ARID5A: variants seen among roughly 807,000 people sequenced by gnomAD.
ARID5A encodes the protein AT-rich interactive domain-containing protein 5A.
In ARID5A, 14 loss-of-function variants were observed where a neutral mutation model predicts 30.5. The observed-to-expected ratio is 0.46, with a 90% confidence interval of 0.30 to 0.72. The LOEUF is 0.72. ARID5A is among the 30% of genes least tolerant of loss of function. The probability of loss-of-function intolerance (pLI) is 0.07; values close to 1 mark genes in which losing one functional copy is unlikely to be tolerated. For missense variants in ARID5A, 669 were observed against 786.2 expected, an observed-to-expected ratio of 0.85 and a Z score of 1.78; for synonymous variants, 338 against 340.4, an observed-to-expected ratio of 0.99 and a Z score of 0.08.
chr2:96,548,706 A>G (rs2065972274), intron 2 of ARID5A, among the ~76,000 whole-genome samples: 2 of 152,252 alleles, frequency 1.3e-5, no homozygotes, highest in Non-Finnish European at 2.9e-5. Context: ...GATAAACGGC[A>G]TCAGCAGAGA....
Position 96,551,980 on chromosome 2 carries a change from C to A in ARID5A, c.1452C>A (p.Val484=), listed in dbSNP as rs144780626. The A allele has an allele frequency of 1.1e-5, 17 of 1,519,194 alleles. No individual in the cohort carries two copies. The highest frequency in any genetic ancestry group is 1.5e-5 in the Non-Finnish European group (17 of 1,134,710). 94.1% of individuals were successfully genotyped at this position (1,519,194 alleles called of 1,614,324 possible). A position where few individuals can be genotyped will look rare whatever the true frequency, so the allele number is the denominator to read the frequency against. ...CGAKPAGSGL[V]SCLLGPALGP... is the part of the protein sequence containing the mutation. The stretch of plus-strand genomic sequence containing the variant: ...CCAAACCTGCAGGGTCCGGCCTGGT[C>A]TCCTGCCTTCTGGGCCCAGCCCTGG... Residue 484 remains valine, a synonymous_variant, in exon 7 of 7, where the codon GTC becomes GTA. Coordinates refer to ENST00000357485, the MANE Select transcript of ARID5A (RefSeq NM_212481.3).
intron 1 of ARID5A, among the ~76,000 whole-genome samples, chr2:96,544,528 C>G (rs746312693): frequency 7.9e-5 from 12 of 152,182 alleles, no homozygotes; most frequent in Non-Finnish European, 1.8e-4. Context: ...ATAACAAAGC[C>G]TGGATGACAG....
In ARID5A at chr2:96,549,265, C is replaced by T; in HGVS notation, c.121-56C>T. 1 of 1,588,254 alleles carries T rather than the reference C, an allele frequency of 6.3e-7. No homozygotes were observed. Among genetic ancestry groups the T allele is most frequent in the East Asian group, 2.2e-5 (1 of 44,618 alleles). On this transcript the variant is annotated intron_variant, in intron 2 of 6. Transcript: ENST00000357485. This position sits in a 1 kb window ranked among gnomAD's most constrained non-coding sequence, Gnocchi z 6.1. ...CTGCAGCCAGTGGTTTCTGCACATC[C>T]CCAGCAGCCAGCCACCAACTGGGGC... is the stretch of plus-strand genomic sequence containing the variant.
Position 96,547,496 on chromosome 2 carries a change from C to G in ARID5A, c.99C>G (p.Ile33Met), listed in dbSNP as rs1454432588. 1 of 1,614,012 alleles carries G rather than the reference C, an allele frequency of 6.2e-7. No individual in the cohort carries two copies. Among genetic ancestry groups the G allele is most frequent in the South Asian group, 1.1e-5 (1 of 91,074 alleles). Reference protein sequence around the residue: ...SPKPAGKQNGIQNPISLEDSP... With the variant: ...SPKPAGKQNGMQNPISLEDSP... ...AACCTGCTGGCAAGCAGAACGGAAT[C>G]CAGAACCCCATCTCGCTGGAGGTGA... is the stretch of plus-strand genomic sequence containing the variant. Residue 33 changes from isoleucine (I) to methionine (M), a missense_variant, in exon 2 of 7, where the codon ATC becomes ATG. By Grantham distance (10) the Ile-to-Met change is conservative. Coordinates refer to ENST00000357485, the MANE Select transcript of ARID5A (RefSeq NM_212481.3).
rs1254597599 is a variant in ARID5A at position 96,536,782 on chromosome 2, C to A, written c.-45C>A. ...AGAGAGCGCGGGGTCCGGACAGCCG[C>A]GCGCTGAGGGTCTCGGGGCGGGCGC... On this transcript the variant is annotated 5_prime_UTR_variant, in exon 1 of 7. Coordinates refer to ENST00000357485, the MANE Select transcript of ARID5A (RefSeq NM_212481.3). The A allele has an allele frequency of 9.8e-6, 12 of 1,226,104 alleles. No homozygotes were observed. The highest frequency in any genetic ancestry group is 1.2e-5 in the Non-Finnish European group (12 of 984,306). 76.0% of individuals were successfully genotyped at this position (1,226,104 alleles called of 1,614,324 possible).
intron 2 of ARID5A, among the ~76,000 whole-genome samples, chr2:96,547,982 C>G (rs1181241564): frequency 6.6e-6 from 1 of 152,200 alleles, no homozygotes; most frequent in African/African-American, 2.4e-5. Context: ...TATCCTGATT[C>G]ATGCAGAAAA....
chr2:96,550,023 C>T lies in ARID5A; in HGVS notation c.313-165C>T. On this transcript the variant is annotated intron_variant, in intron 4 of 6. Transcript: ENST00000357485. The surrounding 1 kb of genome is among the most constrained non-coding windows in gnomAD (Gnocchi z 6.6). ...CCCGTGTTGGGAAAACTGCTTGGGCCAGCAGTCCATGGCCCTAGGAGAGAG... is the reference window on the plus strand; with the variant it reads ...CCCGTGTTGGGAAAACTGCTTGGGCTAGCAGTCCATGGCCCTAGGAGAGAG... The T allele has an allele frequency of 6.5e-7, 1 of 1,533,854 alleles. No individual in the cohort carries two copies. The highest frequency in any genetic ancestry group is 1.2e-5 in the South Asian group (1 of 83,134).
At chr2:96,548,825 C>G (rs564379364) in intron 2 of ARID5A, among the ~76,000 whole-genome samples, 1 of 152,368 alleles carries the variant, frequency 6.6e-6, no homozygotes, top group South Asian at 2.1e-4. Flanking sequence ...TGGGGCCACA[C>G]AGAGGCTCGG....
At position 96,537,604 on chromosome 2, in the gene ARID5A, G is replaced by C. The variant is rs2065761658; in HGVS notation, c.4+774G>C. 1 of 152,838 alleles carries C rather than the reference G, an allele frequency of 6.5e-6. No individual in the cohort carries two copies. Among genetic ancestry groups the C allele is most frequent in the East Asian group, 1.9e-4 (1 of 5,186 alleles). The allele number at this position is 152,838 out of a possible 1,614,324, so 9.5% of individuals were successfully genotyped here. A position where few individuals can be genotyped will look rare whatever the true frequency, so the allele number is the denominator to read the frequency against. On this transcript the variant is annotated intron_variant, in intron 1 of 6. Transcript: ENST00000357485. This position sits in a 1 kb window ranked among gnomAD's most constrained non-coding sequence, Gnocchi z 4.8. ...GTGTCCCCTTGTCTTCCCTCGGTCT[G>C]CAGAAGGGACGGGGTGGCGGCTGGG...
At chr2:96,547,595 T>C in intron 2 of ARID5A, 78 bp downstream of exon 2, 1 of 1,354,968 alleles carries the variant, frequency 7.4e-7, no homozygotes, top group East Asian at 2.4e-5. Context: ...CAGGTGAACC[T>C]GGACACTCCC....
rs1057383329 is a variant in ARID5A at position 96,539,729 on chromosome 2, C to T, written c.4+2899C>T. Among the ~76,000 whole-genome samples, 6 of 151,148 alleles carry T rather than the reference C, an allele frequency of 4.0e-5. No individual in the cohort carries two copies. The highest frequency in any genetic ancestry group is 1.2e-4 in the African/African-American group (5 of 40,524). On this transcript the variant is annotated intron_variant, in intron 1 of 6. Coordinates refer to ENST00000357485, the MANE Select transcript of ARID5A (RefSeq NM_212481.3). This position sits in a 1 kb window ranked among gnomAD's most constrained non-coding sequence, Gnocchi z 4.7. ...GCCATGCCCCTTCCCGGCCCTCCCC[C>T]TCTCCCCGCTGCTGCCCAGCTCTCT...
chr2:96,552,142 C>G lies in ARID5A; in HGVS notation c.1614C>G (p.Phe538Leu). ...TCATCCCGGCCTTCCCGGCCCACTT[C>G]CTGGCCACCGCAGGCCCCTCGCCCA... ...PLVIPAFPAHFLATAGPSPMA... is the reference protein window; with the variant it reads ...PLVIPAFPAHLLATAGPSPMA... The change falls in exon 7 of 7, where the codon TTC becomes TTG. Residue 538 changes from phenylalanine to leucine, a missense_variant. By Grantham distance (22) the Phe-to-Leu change is conservative. This residue lies in a region of ARID5A where 548 missense variants were observed against 577.4 expected (regional missense o/e 0.95). Coordinates refer to ENST00000357485, the MANE Select transcript of ARID5A (RefSeq NM_212481.3). 1.2e-6 allele frequency: 2 copies of G among 1,612,842 alleles called. No individual in the cohort carries two copies. The highest frequency in any genetic ancestry group is 1.7e-5 in the Admixed American group (1 of 59,966).
At chr2:96,544,382 C>G (rs1461452411) in intron 1 of ARID5A, among the ~76,000 whole-genome samples, 1 of 152,220 alleles carries the variant, frequency 6.6e-6, no homozygotes, top group Non-Finnish European at 1.5e-5. Flanking sequence ...AAAAGACAGG[C>G]TGACTCTCTT....
At position 96,549,186 on chromosome 2, in the gene ARID5A, C is replaced by G. The variant is rs1202212923; in HGVS notation, c.121-135C>G. On this transcript the variant is annotated intron_variant, in intron 2 of 6. Coordinates refer to ENST00000357485, the MANE Select transcript of ARID5A (RefSeq NM_212481.3). This position sits in a 1 kb window ranked among gnomAD's most constrained non-coding sequence, Gnocchi z 6.1. The stretch of plus-strand genomic sequence containing the variant: ...CAGGAACAGTCACTCCCTCCCAGAA[C>G]AGTGGCTAGGTGTTCTCTGGGAAAC... 5.1e-5 allele frequency: 76 copies of G among 1,477,122 alleles called. No homozygotes were observed. The highest frequency in any genetic ancestry group is 6.8e-5 in the Non-Finnish European group (75 of 1,102,350). The allele number at this position is 1,477,122 out of a possible 1,614,324, so 91.5% of individuals were successfully genotyped here. A position where few individuals can be genotyped will look rare whatever the true frequency, so the allele number is the denominator to read the frequency against.
chr2:96,551,836 C>T lies in ARID5A; in HGVS notation c.1308C>T (p.Pro436=), dbSNP rs1468798626. ...GCCCCACGCTCCCGCCCACCTTCCC[C>T]AGTAGCCCAGGCCTGGGCAGCAAGC... ...AESPTLPPTF[P]SSPGLGSKRS... Residue 436 remains proline, a synonymous_variant, in exon 7 of 7, where the codon CCC becomes CCT. Transcript: ENST00000357485. The T allele has an allele frequency of 2.5e-6, 4 of 1,599,174 alleles. No homozygotes were observed. Among genetic ancestry groups the T allele is most frequent in the Middle Eastern group, 1.7e-4 (1 of 5,970 alleles).
intron 1 of ARID5A, among the ~76,000 whole-genome samples, chr2:96,544,681 G>A (rs1350815207): frequency 6.6e-6 from 1 of 152,206 alleles, no homozygotes; most frequent in Non-Finnish European, 1.5e-5. Context: ...AAATGTACCA[G>A]GAGCTGCATG....
At chr2:96,544,662 C>T (rs951839454) in intron 1 of ARID5A, among the ~76,000 whole-genome samples, 3 of 152,170 alleles carry the variant, frequency 2.0e-5, no homozygotes, top group African/African-American at 4.8e-5. Flanking sequence ...CATGCAAGAG[C>T]GCTGATGAAA....
Position 96,552,347 on chromosome 2 carries a change from G to T in ARID5A, c.*34G>T. 2 of 1,612,816 alleles carry T rather than the reference G, an allele frequency of 1.2e-6. No individual in the cohort carries two copies. Among genetic ancestry groups the T allele is most frequent in the South Asian group, 1.1e-5 (1 of 91,040 alleles). Reference sequence around the variant, plus strand: ...ATGGTGTTGTGTACACTGTGGAGTCGACAGGGGCCTACAACAGGCAGGTAC... The same window carrying T: ...ATGGTGTTGTGTACACTGTGGAGTCTACAGGGGCCTACAACAGGCAGGTAC... On this transcript the variant is annotated 3_prime_UTR_variant, in exon 7 of 7. Transcript: ENST00000357485.
chr2:96,551,461 G>A lies in ARID5A; in HGVS notation c.933G>A (p.Arg311=). ...GGCTGACTGAGAACTCCAGGCACCG[G>A]CTGACCCCTCAGGAGGGATTGCAGG... ...PKGLTENSRH[R]LTPQEGLQAP... Residue 311 remains arginine, a synonymous_variant, in exon 7 of 7, where the codon CGG becomes CGA. Coordinates refer to ENST00000357485, the MANE Select transcript of ARID5A (RefSeq NM_212481.3). 1 of 1,589,674 alleles carries A rather than the reference G, an allele frequency of 6.3e-7. No individual in the cohort carries two copies. Among genetic ancestry groups the A allele is most frequent in the Admixed American group, 1.8e-5 (1 of 56,234 alleles).
Sources: gnomAD v4.1 joint callset for allele counts (sites outside exome capture counted in the v4.1 genomes callset) on GRCh38, gnomAD v4.1.1 for gene constraint, gnomAD v4.1.1 regional missense constraint, Gnocchi (gnomAD v3.1) non-coding constraint, MANE v1.5 for transcripts, NCBI Gene and HGNC (gene_info 2026-07-23, HGNC 2026-07-21) for gene names.